The following TAF15 variants were observed in gnomAD, a reference collection of about 807,000 sequenced individuals.
The protein encoded by TAF15 is TATA-box binding protein associated factor 15, also known as TATA-binding protein-associated factor 2N.
TAF15 carries 37 observed loss-of-function variants against 102.5 expected under a neutral mutation model. The observed-to-expected ratio is 0.36, with a 90% CI of 0.28 to 0.47. The LOEUF (loss-of-function observed/expected upper bound fraction) is 0.47. Ranked by LOEUF, TAF15 falls within the 20% of genes least tolerant of loss-of-function variation. The probability of loss-of-function intolerance (pLI) is 0.99; values close to 1 mark genes in which losing one functional copy is unlikely to be tolerated. For synonymous variants in TAF15, 273 were observed against 259.2 expected (o/e 1.05, Z -0.51); for missense variants, 652 against 760.7 (o/e 0.86, Z 1.68).
chr17:35,820,402 C>G lies in TAF15; in HGVS notation c.255C>G (p.Asn85Lys). ...QSSYSQQPYN[N>K]QGQQQNMESS... ...CATATAGCCAGCAACCATATAATAA[C>G]CAGGGACAGCAGCAAAACATGGAAT... Residue 85 changes from asparagine (N) to lysine (K), a missense_variant, in exon 5 of 16, where the codon AAC becomes AAG. Physicochemically the swap from Asn to Lys is moderately conservative, Grantham distance 94 (BLOSUM62 0). Around this residue, in one of 3 missense-constraint regions of TAF15, gnomAD observed 243 missense variants for 284.1 expected, o/e 0.86. Coordinates refer to ENST00000605844, the MANE Select transcript of TAF15 (RefSeq NM_139215.3). 4.3e-6 allele frequency: 7 copies of G among 1,613,798 alleles called. No homozygotes were observed. The highest frequency in any genetic ancestry group is 5.9e-6 in the Non-Finnish European group (7 of 1,179,874).
chr17:35,841,141 T>G (rs2087538140), intron 11 of TAF15, among the ~76,000 whole-genome samples: 1 of 152,196 alleles, frequency 6.6e-6, no homozygotes, highest in Non-Finnish European at 1.5e-5. Flanking sequence ...TTACTACTAT[T>G]TTTTAAAAAG....
intron 7 of TAF15, among the ~76,000 whole-genome samples, chr17:35,829,278 T>C (rs2087368571): frequency 6.6e-6 from 1 of 151,958 alleles, no homozygotes; most frequent in Non-Finnish European, 1.5e-5. Context: ...TTCTTGGCAG[T>C]TTTAGTCCAT....
chr17:35,809,798 C>T (rs2087103482), intron 1 of TAF15: 7 of 628,462 alleles, frequency 1.1e-5, no homozygotes, highest in East Asian at 8.2e-5. Flanking sequence ...GGCCTCTTGT[C>T]TTTTGACCCT....
At chr17:35,824,775 G>C (rs946980751) in intron 7 of TAF15, among the ~76,000 whole-genome samples, 10 of 152,162 alleles carry the variant, frequency 6.6e-5, no homozygotes, top group Non-Finnish European at 7.4e-5. Context: ...TGACTAAGTT[G>C]TGTAAAGGAA....
At chr17:35,819,441 GC>G (rs2087233667) in intron 2 of TAF15, among the ~76,000 whole-genome samples, 1 of 152,082 alleles carries the variant, frequency 6.6e-6, no homozygotes. Context: ...TATGTGCCAG[GC>G]CCTGCTACAA....
In TAF15 at chr17:35,809,646, C is replaced by G. The variant is rs2087100741; in HGVS notation, c.7+70C>G. On this transcript the variant is annotated intron_variant, in intron 1 of 15. Transcript: ENST00000605844. ...TGGCGGGGTTGGGCTGTCTTCCCGC[C>G]CACCGGAGGGCCCTGAGGAGAAGCC... The G allele has an allele frequency of 1.9e-6, 3 of 1,606,986 alleles. No individual in the cohort carries two copies. In the South Asian group the frequency reaches 3.3e-5, roughly 18 times the overall value.
At chr17:35,814,370 A>G (rs1348099219) in intron 1 of TAF15, among the ~76,000 whole-genome samples, 2 of 151,728 alleles carry the variant, frequency 1.3e-5, no homozygotes, top group Non-Finnish European at 2.9e-5. Context: ...GGATTTCACC[A>G]TGTTAGCCAG....
At position 35,833,961 on chromosome 17, in the gene TAF15, A is replaced by G. The variant is rs765116444; in HGVS notation, c.640+20A>G. ...TTGGTGGTAAGTGCTGAGTATCCCA[A>G]AATGTTTCAGTGGAAATGCTATATA... On this transcript the variant is annotated intron_variant, in intron 8 of 15. Coordinates refer to ENST00000605844, the MANE Select transcript of TAF15 (RefSeq NM_139215.3). 30 of 1,613,426 alleles carry G rather than the reference A, an allele frequency of 1.9e-5. No homozygotes were observed. Among genetic ancestry groups the G allele is most frequent in the Admixed American group, 5.0e-5 (3 of 59,986 alleles).
rs764831216 is a variant in TAF15 at position 35,820,147 on chromosome 17, A to G, written c.100-17A>G. 6.2e-6 allele frequency: 10 copies of G among 1,613,916 alleles called. No homozygotes were observed. The South Asian group carries it at 9.9e-5, about 16-fold the overall frequency. ...CTTAAGTAGGTGATGAAACTTGAGT[A>G]TTTACCTAAATTTCAGAGCTATTCT... On this transcript the variant is annotated splice_polypyrimidine_tract_variant and intron_variant, in intron 3 of 15. Coordinates refer to ENST00000605844, the MANE Select transcript of TAF15 (RefSeq NM_139215.3).
intron 11 of TAF15, among the ~76,000 whole-genome samples, chr17:35,840,024 G>GC (rs1326900668): frequency 6.6e-6 from 1 of 151,992 alleles, no homozygotes; most frequent in Non-Finnish European, 1.5e-5. Context: ...TGAGACATAT[G>GC]CCCTGTTACT....
In TAF15 at chr17:35,820,059, A is replaced by G. The variant is rs1173357142; in HGVS notation, c.83A>G (p.Tyr28Cys). 4.3e-6 allele frequency: 7 copies of G among 1,613,980 alleles called. No homozygotes were observed. The Admixed American group carries it at 6.7e-5, about 15-fold the overall frequency. Residue 28 changes from tyrosine (Y) to cysteine (C), a missense_variant, in exon 3 of 16, where the codon TAT (tyrosine) becomes TGT (cysteine). Tyr to Cys is a radical substitution (Grantham distance 194). This residue lies in a region of TAF15 where 243 missense variants were observed against 284.1 expected (regional missense o/e 0.86). Transcript: ENST00000605844. ...TATGGAAATCCAGGCAGCCAAGGCT[A>G]TGGACAAGCATCACAAGTAGGTTGA... is the stretch of plus-strand genomic sequence containing the variant. ...STYGNPGSQGYGQASQSYSGY... is the reference protein window; with the variant it reads ...STYGNPGSQGCGQASQSYSGY...
chr17:35,838,870 T>C (rs1218304521), intron 11 of TAF15, among the ~76,000 whole-genome samples: 1 of 152,220 alleles, frequency 6.6e-6, no homozygotes, highest in Non-Finnish European at 1.5e-5. Flanking sequence ...TTTTGTTACA[T>C]GGATATATTG....
intron 7 of TAF15, 95 bp from the exon 8 acceptor site, chr17:35,833,812 C>G: frequency 7.9e-7 from 1 of 1,265,324 alleles, no homozygotes; most frequent in Non-Finnish European, 1.2e-6. Flanking sequence ...TTTTCCTAAG[C>G]ACTCTACTTG....
At position 35,809,518 on chromosome 17, in the gene TAF15, G is replaced by A; in HGVS notation, c.-52G>A. The A allele has an allele frequency of 1.2e-6, 2 of 1,611,744 alleles. No individual in the cohort carries two copies. The highest frequency in any genetic ancestry group is 1.7e-6 in the Non-Finnish European group (2 of 1,179,424). On this transcript the variant is annotated 5_prime_UTR_variant, in exon 1 of 16. Coordinates refer to ENST00000605844, the MANE Select transcript of TAF15 (RefSeq NM_139215.3). ...CCGGCCGCCGCGCCGCCTGGCTTTC[G>A]TATTCGTTGTTCTCGGCGGGCTGTG... is the stretch of plus-strand genomic sequence containing the variant.
chr17:35,820,503 T>G (rs2087246185), intron 5 of TAF15, 66 bp downstream of exon 5: 1 of 1,479,584 alleles, frequency 6.8e-7, no homozygotes, highest in South Asian at 1.2e-5. Context: ...TTAAACAGAT[T>G]TAACCAACAA....
chr17:35,811,751 C>T (rs1287371174), intron 1 of TAF15, among the ~76,000 whole-genome samples: 1 of 152,210 alleles, frequency 6.6e-6, no homozygotes, highest in Non-Finnish European at 1.5e-5. Context: ...GTCTAACATT[C>T]AAATACTGTT....
At chr17:35,819,106 C>T (rs1376917481) in intron 2 of TAF15, among the ~76,000 whole-genome samples, 1 of 152,144 alleles carries the variant, frequency 6.6e-6, no homozygotes, top group Non-Finnish European at 1.5e-5. Context: ...CCTCAGATAT[C>T]TTGTCAAATT....
At chr17:35,841,563 A>C (rs895744213) in intron 11 of TAF15, among the ~76,000 whole-genome samples, 1 of 151,044 alleles carries the variant, frequency 6.6e-6, no homozygotes, top group Non-Finnish European at 1.5e-5. Flanking sequence ...CACCACACCC[A>C]GTTAATTTTT....
At position 35,844,666 on chromosome 17, in the gene TAF15, G is replaced by A. The variant is rs1355747871; in HGVS notation, c.1367G>A (p.Gly456Asp). ...YGGDRSGGGY[G>D]GDRGGGYGGD... ...GGAGACAGAAGTGGGGGTGGCTATG[G>A]TGGGGACAGAGGCGGCGGCTATGGT... The change falls in exon 15 of 16, where the codon GGT becomes GAT. Residue 456 changes from glycine (G) to aspartate (D), a missense_variant. Physicochemically the swap from Gly to Asp is moderately conservative, Grantham distance 94 (BLOSUM62 -1). Coordinates refer to ENST00000605844, the MANE Select transcript of TAF15 (RefSeq NM_139215.3). 1 of 1,601,064 alleles carries A rather than the reference G, an allele frequency of 6.2e-7. No individual in the cohort carries two copies. Among genetic ancestry groups the A allele is most frequent in the African/African-American group, 1.3e-5 (1 of 74,114 alleles).
Sources: allele counts gnomAD v4.1 joint callset (sites outside exome capture counted in the v4.1 genomes callset), GRCh38; gene constraint gnomAD v4.1.1; regional missense constraint gnomAD v4.1.1; transcripts MANE v1.5; gene names NCBI Gene and HGNC (gene_info 2026-07-23, HGNC 2026-07-21).